The following TMEM17 variants were observed in gnomAD, a reference collection of about 807,000 sequenced individuals.
TMEM17 encodes the protein transmembrane protein 17.
A neutral mutation model predicts 19.1 loss-of-function variants in TMEM17; 15 were observed. The observed-to-expected ratio is 0.78, with a 90% CI of 0.52 to 1.21. The LOEUF is 1.21. TMEM17 is among the 50% of genes most tolerant of loss of function. The pLI, the probability that TMEM17 is intolerant of heterozygous loss-of-function variation, is 0.00. For missense variants in TMEM17, 245 were observed against 242.3 expected, an observed-to-expected ratio of 1.01 and a Z score of -0.07; for synonymous variants, 103 against 86.9, an observed-to-expected ratio of 1.19 and a Z score of -1.03.
At chr2:62,462,992 A>G in the TMEM17 span, 4 of 152,270 alleles carry the variant, frequency 2.6e-5, no homozygotes, top group Admixed American at 1.3e-4. Flanking sequence ...GAAAAAGGAA[A>G]GAAGCTGGAT....
the TMEM17 span, among the ~76,000 whole-genome samples, chr2:62,476,891 G>GA: frequency 6.6e-6 from 1 of 152,316 alleles, no homozygotes; most frequent in East Asian, 1.9e-4. Flanking sequence ...TGGGGTTACA[G>GA]AAGAATGTTA....
the TMEM17 span, among the ~76,000 whole-genome samples, chr2:62,468,041 G>T: frequency 1.3e-5 from 2 of 152,176 alleles, no homozygotes; most frequent in Non-Finnish European, 2.9e-5. Context: ...GGGTTGAGGA[G>T]TTGTTAGTGG....
At chr2:62,459,165 A>G in the TMEM17 span, among the ~76,000 whole-genome samples, 1 of 152,234 alleles carries the variant, frequency 6.6e-6, no homozygotes, top group Non-Finnish European at 1.5e-5. Flanking sequence ...GGAGAATGCC[A>G]CAGGTATTGG....
At chr2:62,465,406 G>C in the TMEM17 span, among the ~76,000 whole-genome samples, 1 of 152,260 alleles carries the variant, frequency 6.6e-6, no homozygotes, top group East Asian at 1.9e-4. Context: ...TTAGGGGAAT[G>C]GTACACAGAA....
At chr2:62,458,815 G>A in the TMEM17 span, among the ~76,000 whole-genome samples, 1 of 152,170 alleles carries the variant, frequency 6.6e-6, no homozygotes, top group Non-Finnish European at 1.5e-5. Context: ...CGTGACAGCT[G>A]GTCCAAAGCT....
the TMEM17 span, among the ~76,000 whole-genome samples, chr2:62,467,123 C>T: frequency 1.3e-5 from 2 of 152,072 alleles, no homozygotes; most frequent in Non-Finnish European, 2.9e-5. Flanking sequence ...TGACCCCACC[C>T]TCTTACCCCC....
the TMEM17 span, among the ~76,000 whole-genome samples, chr2:62,484,627 C>T: frequency 6.6e-6 from 1 of 152,154 alleles, no homozygotes; most frequent in Non-Finnish European, 1.5e-5. Context: ...CAAGGATTAT[C>T]CTTGCTCTTC....
chr2:62,478,605 G>T, the TMEM17 span, among the ~76,000 whole-genome samples: 4 of 152,312 alleles, frequency 2.6e-5, no homozygotes, highest in South Asian at 6.2e-4. Flanking sequence ...GCATCTTGTT[G>T]CTTCTTGCAC....
the TMEM17 span, among the ~76,000 whole-genome samples, chr2:62,480,370 C>A: frequency 6.6e-6 from 1 of 152,020 alleles, no homozygotes; most frequent in Non-Finnish European, 1.5e-5. Context: ...TTTAGATTGT[C>A]CTTTCAGTCT....
chr2:62,499,871 A>T (rs1679875015), downstream of TMEM17, among the ~76,000 whole-genome samples: 1 of 152,242 alleles, frequency 6.6e-6, no homozygotes, highest in Admixed American at 6.5e-5. Context: ...GATACACCCA[A>T]GCAACTTTGT....
the TMEM17 span, among the ~76,000 whole-genome samples, chr2:62,494,021 C>T: frequency 6.6e-6 from 1 of 152,156 alleles, no homozygotes; most frequent in East Asian, 1.9e-4. Context: ...GGATTCATCA[C>T]CTATTTTCAT....
intron 3 of TMEM17, 48 bp from the exon 4 acceptor site, chr2:62,501,535 T>G: frequency 6.4e-7 from 1 of 1,557,562 alleles, no homozygotes; most frequent in Non-Finnish European, 8.7e-7. Context: ...AAATACAGTT[T>G]CTGTTTATAC....
At chr2:62,482,771 C>T in the TMEM17 span, among the ~76,000 whole-genome samples, 2 of 152,178 alleles carry the variant, frequency 1.3e-5, no homozygotes, top group African/African-American at 4.8e-5. Context: ...AAAGAAAGAT[C>T]ATTTGGGACC....
downstream of TMEM17, among the ~76,000 whole-genome samples, chr2:62,499,027 T>C (rs1025866549): frequency 1.3e-5 from 2 of 152,180 alleles, no homozygotes; most frequent in African/African-American, 4.8e-5. Context: ...AAAACCATGG[T>C]TTTATTGTTC....
At chr2:62,455,593 C>G in the TMEM17 span, among the ~76,000 whole-genome samples, 3 of 152,170 alleles carry the variant, frequency 2.0e-5, no homozygotes, top group Non-Finnish European at 2.9e-5. Context: ...ATTGTGAAAA[C>G]CCGTCTTTAC....
the TMEM17 span, among the ~76,000 whole-genome samples, chr2:62,466,279 G>C: frequency 2.0e-5 from 3 of 152,142 alleles, no homozygotes; most frequent in African/African-American, 7.2e-5. Flanking sequence ...TCTGGGGTGG[G>C]AGGCAGTGAA....
At chr2:62,486,952 TG>T in the TMEM17 span, among the ~76,000 whole-genome samples, 1 of 151,824 alleles carries the variant, frequency 6.6e-6, no homozygotes, top group Admixed American at 6.6e-5. Context: ...GGGGGTGATG[TG>T]GGGTCGGGGA....
chr2:62,461,244 G>A, the TMEM17 span, among the ~76,000 whole-genome samples: 1 of 151,928 alleles, frequency 6.6e-6, no homozygotes, highest in Non-Finnish European at 1.5e-5. Flanking sequence ...GTTCAAATGA[G>A]CTTTGGCTTG....
chr2:62,482,111 A>G, the TMEM17 span, among the ~76,000 whole-genome samples: 1 of 152,238 alleles, frequency 6.6e-6, no homozygotes, highest in Admixed American at 6.5e-5. Context: ...TGGATAAAGG[A>G]TAACCTTTGT....
Sources: gnomAD v4.1 joint callset for allele counts (sites outside exome capture counted in the v4.1 genomes callset) on GRCh38, gnomAD v4.1.1 for gene constraint, MANE v1.5 for transcripts, NCBI Gene and HGNC (gene_info 2026-07-23, HGNC 2026-07-21) for gene names.